Variants in CD86 observed in about 807,000 individuals in gnomAD.
The protein encoded by CD86 is CD86 molecule.
In CD86, 11 loss-of-function variants were observed where a neutral mutation model predicts 32.1. That is an observed-to-expected ratio of 0.34 (90% CI 0.22 to 0.57). The LOEUF (loss-of-function observed/expected upper bound fraction) is 0.57. CD86 is among the 20% of genes least tolerant of loss of function. The pLI, the probability that CD86 is intolerant of heterozygous loss-of-function variation, is 0.86. For missense variants in CD86, 359 were observed against 398.4 expected (o/e 0.90, Z 0.84); for synonymous variants, 137 against 135.3 (o/e 1.01, Z -0.09).
At chr3:122,092,286 C>G (rs2072837547) in intron 2 of CD86, 1 of 152,274 alleles carries the variant, frequency 6.6e-6, no homozygotes, top group Non-Finnish European at 1.5e-5. Context: ...TCTAAATCCC[C>G]CTCAAGACCC....
rs769868417 is a variant in CD86, at chr3:122,115,740, C to CAAAAAAAA, written c.848-2288_848-2281dup. On this transcript the variant is annotated intron_variant, in intron 5 of 6. Coordinates refer to ENST00000330540, the MANE Select transcript of CD86 (RefSeq NM_175862.5). ...GGGCAACAAGAGTGAAACTCCCTCT[C>CAAAAAAAA]AAAAAAAAAAAAAAAAAAAAAAAAA... is the stretch of plus-strand genomic sequence containing the variant. 1.2e-3 allele frequency among the ~76,000 whole-genome samples: 33 copies of CAAAAAAAA among 27,528 alleles called. 1 individual carries two copies. The highest frequency in any genetic ancestry group is 1.4e-3 in the Non-Finnish European group (21 of 14,484). The allele number at this position is 27,528 out of a possible 152,430, so 18.1% of individuals were successfully genotyped here.
chr3:122,055,393 A>G lies in CD86; in HGVS notation c.-97A>G, dbSNP rs1278957934. 7 of 1,232,652 alleles carry G rather than the reference A, an allele frequency of 5.7e-6. No homozygotes were observed. Among genetic ancestry groups the G allele is most frequent in the East Asian group, 2.3e-5 (1 of 43,030 alleles). 76.4% of individuals were successfully genotyped at this position (1,232,652 alleles called of 1,614,324 possible). The stretch of plus-strand genomic sequence containing the variant: ...TGCCGAGGAAGGCTTGCACAGGGTG[A>G]AAGCTTTGCTTCTCTGCTGCTGTAA... On this transcript the variant is annotated 5_prime_UTR_variant, in exon 1 of 7. Transcript: ENST00000330540.
chr3:122,085,525 G>A (rs1167465778), intron 1 of CD86, among the ~76,000 whole-genome samples: 1 of 152,198 alleles, frequency 6.6e-6, no homozygotes, highest in Non-Finnish European at 1.5e-5. Flanking sequence ...GGCTTCAGGT[G>A]CACACTACTG....
At chr3:122,117,779 G>C (rs1428995871) in intron 5 of CD86, among the ~76,000 whole-genome samples, 2 of 152,118 alleles carry the variant, frequency 1.3e-5, no homozygotes, top group Non-Finnish European at 2.9e-5. Context: ...GGTATTTTTT[G>C]GTTAGCCAGG....
chr3:122,100,965 C>T (rs2072990326), intron 2 of CD86, among the ~76,000 whole-genome samples: 2 of 152,060 alleles, frequency 1.3e-5, no homozygotes, highest in Admixed American at 1.3e-4. Flanking sequence ...CAAACTTTCC[C>T]CATTTAGTCA....
chr3:122,080,399 T>C (rs916983175), intron 1 of CD86, among the ~76,000 whole-genome samples: 1 of 152,234 alleles, frequency 6.6e-6, no homozygotes, highest in Non-Finnish European at 1.5e-5. Flanking sequence ...GCGTGTCTTG[T>C]ACACAGATTT....
At position 122,106,254 on chromosome 3, in the gene CD86, A is replaced by C. The variant is rs766044307; in HGVS notation, c.457A>C (p.Ile153Leu). The change falls in exon 4 of 7, where the codon ATA becomes CTA. Residue 153 changes from isoleucine (I) to leucine (L), a missense_variant. Ile to Leu is a conservative substitution (Grantham distance 5). Coordinates refer to ENST00000330540, the MANE Select transcript of CD86 (RefSeq NM_175862.5). The part of the protein sequence containing the change: ...PISNITENVY[I>L]NLTCSSIHGY... ...TTCTAATATAACAGAAAATGTGTAC[A>C]TAAATTTGACCTGCTCATCTATACA... 1.9e-6 allele frequency: 3 copies of C among 1,613,066 alleles called. No homozygotes were observed. Among genetic ancestry groups the C allele is most frequent in the Non-Finnish European group, 2.5e-6 (3 of 1,179,582 alleles).
intron 1 of CD86, among the ~76,000 whole-genome samples, chr3:122,071,252 C>A (rs891748465): frequency 1.3e-5 from 2 of 152,236 alleles, no homozygotes; most frequent in African/African-American, 4.8e-5. Context: ...AGCTTCACTG[C>A]CCTAAGAATC....
rs529390538 is a variant in CD86, at chr3:122,096,030, T to C, written c.64+4380T>C. 2.0e-3 allele frequency among the ~76,000 whole-genome samples: 300 copies of C among 152,298 alleles called. 1 individual carries two copies. The highest frequency in any genetic ancestry group is 3.4e-3 in the Non-Finnish European group (232 of 68,030). On this transcript the variant is annotated intron_variant, in intron 2 of 6. Coordinates refer to ENST00000330540, the MANE Select transcript of CD86 (RefSeq NM_175862.5). ...TGTGAGAGGGGAGTTTTAATACCAT[T>C]TCCAAAATATGTAACCTGGTATTTT...
intron 2 of CD86, among the ~76,000 whole-genome samples, chr3:122,098,221 C>T (rs2072939772): frequency 6.6e-6 from 1 of 152,136 alleles, no homozygotes; most frequent in Non-Finnish European, 1.5e-5. Flanking sequence ...TATAAGTCAG[C>T]ATGAGGGACA....
At chr3:122,080,826 C>T (rs1015900234) in intron 1 of CD86, among the ~76,000 whole-genome samples, 25 of 152,152 alleles carry the variant, frequency 1.6e-4, no homozygotes, top group African/African-American at 5.8e-4. Flanking sequence ...GGATGGAGGA[C>T]GTCTCCACCT....
chr3:122,056,227 G>A (rs1022637278), intron 1 of CD86, among the ~76,000 whole-genome samples: 2 of 152,146 alleles, frequency 1.3e-5, no homozygotes, highest in Non-Finnish European at 2.9e-5. Flanking sequence ...TGCCCGCTTC[G>A]TGGTGCGCCA....
At chr3:122,101,961 AG>A (rs2073016984) in intron 2 of CD86, among the ~76,000 whole-genome samples, 1 of 152,070 alleles carries the variant, frequency 6.6e-6, no homozygotes. Flanking sequence ...AGTACTTCAC[AG>A]GGTCCTAGTG....
chr3:122,069,668 G>A (rs775720630), intron 1 of CD86, among the ~76,000 whole-genome samples: 9 of 152,156 alleles, frequency 5.9e-5, no homozygotes, highest in African/African-American at 7.2e-5. Flanking sequence ...CTGTCCTGTG[G>A]TCCAGGTTAC....
intron 6 of CD86, 26 bp from the exon 7 acceptor site, chr3:122,119,412 C>A (rs773319416): frequency 7.4e-7 from 1 of 1,342,464 alleles, no homozygotes; most frequent in South Asian, 1.2e-5. Flanking sequence ...TGAAATATCA[C>A]CTAATCTTTT....
chr3:122,080,167 A>G (rs1004484546), intron 1 of CD86, among the ~76,000 whole-genome samples: 1 of 152,130 alleles, frequency 6.6e-6, no homozygotes, highest in Admixed American at 6.5e-5. Context: ...GGGGACCAGG[A>G]TGGGCATGGC....
Position 122,085,737 on chromosome 3 carries a change from C to T in CD86, c.15-5864C>T, listed in dbSNP as rs371923253. ...GGACAGCGGAATGCAGAGGATGAAACTTCAGGTCCTGGTGCTCTGAGAAGT... is the reference window on the plus strand; with the variant it reads ...GGACAGCGGAATGCAGAGGATGAAATTTCAGGTCCTGGTGCTCTGAGAAGT... On this transcript the variant is annotated intron_variant, in intron 1 of 6. Transcript: ENST00000330540. Among the ~76,000 whole-genome samples the T allele has an allele frequency of 1.3e-3, 201 of 152,266 alleles. 7 individuals are homozygous for T. In the South Asian group the frequency reaches 0.04, roughly 31 times the overall value.
chr3:122,072,345 A>G (rs1249596945), intron 1 of CD86, among the ~76,000 whole-genome samples: 6 of 151,294 alleles, frequency 4.0e-5, no homozygotes, highest in Non-Finnish European at 2.9e-5. Flanking sequence ...CAGTCCCACC[A>G]ACAGTGTAAA....
intron 1 of CD86, among the ~76,000 whole-genome samples, chr3:122,090,976 ATT>A (rs1327384727): frequency 6.6e-6 from 1 of 152,134 alleles, no homozygotes; most frequent in Non-Finnish European, 1.5e-5. Flanking sequence ...TCTCCAGGTG[ATT>A]TTTACTCACA....
Sources: gnomAD v4.1 joint callset for allele counts (sites outside exome capture counted in the v4.1 genomes callset) on GRCh38, gnomAD v4.1.1 for gene constraint, MANE v1.5 for transcripts, NCBI Gene and HGNC (gene_info 2026-07-23, HGNC 2026-07-21) for gene names.